The following GATA4 variants were observed in gnomAD, a reference collection of about 807,000 sequenced individuals.
The protein encoded by GATA4 is GATA binding protein 4, also known as transcription factor GATA-4.
Under a neutral mutation model 37.9 loss-of-function variants are expected in GATA4, and 7 were observed. The ratio of observed to expected loss-of-function variants is 0.18; its 90% CI spans 0.11 to 0.35. The LOEUF is 0.35. GATA4 is among the 10% of genes least tolerant of loss of function. The pLI, the probability that GATA4 is intolerant of heterozygous loss-of-function variation, is 1.00. For missense variants in GATA4, 647 were observed against 653.0 expected (o/e 0.99, Z 0.10); for synonymous variants, 372 against 292.6 (o/e 1.27, Z -2.77).
chr8:11,688,636 G>A (rs1585556432), upstream of GATA4, among the ~76,000 whole-genome samples: 1 of 152,224 alleles, frequency 6.6e-6, no homozygotes, highest in Non-Finnish European at 1.5e-5. Flanking sequence ...TGTGCATGGG[G>A]ACAGGAGGGA....
chr8:11,680,810 A>G (rs1798942210), intron 1 of GATA4: 6 of 984,852 alleles, frequency 6.1e-6, no homozygotes, highest in Non-Finnish European at 7.2e-6. Flanking sequence ...GCTCACCCCG[A>G]CGCCTCGGTC....
chr8:11,729,801 A>G (rs770132639), intron 2 of GATA4, among the ~76,000 whole-genome samples: 1 of 152,184 alleles, frequency 6.6e-6, no homozygotes, highest in African/African-American at 2.4e-5. Flanking sequence ...TGGTTGCTCA[A>G]TTCTGAGTGA....
rs1237971840 is a variant in GATA4, at chr8:11,758,836, G to C, written c.*361G>C. 3 of 348,704 alleles carry C rather than the reference G, an allele frequency of 8.6e-6. No homozygotes were observed. Among genetic ancestry groups the C allele is most frequent in the Non-Finnish European group, 1.7e-5 (3 of 179,816 alleles). The allele number at this position is 348,704 out of a possible 1,614,324, so 21.6% of individuals were successfully genotyped here. A position where few individuals can be genotyped will look rare whatever the true frequency, so the allele number is the denominator to read the frequency against. ...CACCGAGGATCTGAGAACAAGCGGA[G>C]GGCCGGGCCCTGGGACCCCTGCTCC... On this transcript the variant is annotated 3_prime_UTR_variant, in exon 7 of 7. Transcript: ENST00000532059.
At chr8:11,730,835 C>T (rs1035236129) in intron 2 of GATA4, among the ~76,000 whole-genome samples, 3 of 152,204 alleles carry the variant, frequency 2.0e-5, no homozygotes, top group Admixed American at 6.5e-5. Context: ...ACAGAAGGCC[C>T]GAGGCTGGCG....
intron 1 of GATA4, among the ~76,000 whole-genome samples, chr8:11,695,211 G>A (rs746505610): frequency 5.3e-5 from 8 of 152,248 alleles, no homozygotes; most frequent in Non-Finnish European, 8.8e-5. Context: ...TTCGAGACCA[G>A]CCTGACCAAC....
chr8:11,752,550 G>A (rs1802355745), intron 4 of GATA4, among the ~76,000 whole-genome samples: 1 of 152,206 alleles, frequency 6.6e-6, no homozygotes, highest in Non-Finnish European at 1.5e-5. Context: ...TCTCCCATCA[G>A]GTCGGTCCCA....
At chr8:11,750,024 GAGGCCCAGCTCCGCAGCCA>G in intron 3 of GATA4, 68 bp from the exon 4 acceptor site, 1 of 1,598,922 alleles carries the variant, frequency 6.3e-7, no homozygotes, top group South Asian at 1.1e-5. Context: ...TCCCGTTAGG[GAGGCCCAGCTCCGCAGCCA>G]CACGCGAGGT....
chr8:11,679,538 G>A (rs1585538343), intron 1 of GATA4, among the ~76,000 whole-genome samples: 1 of 152,244 alleles, frequency 6.6e-6, no homozygotes, highest in South Asian at 2.1e-4. Context: ...AAGGAACCCC[G>A]ACTGCTGGGG....
At chr8:11,694,556 T>C in intron 1 of GATA4, 2 of 977,338 alleles carry the variant, frequency 2.0e-6, no homozygotes, top group Non-Finnish European at 2.4e-6. Context: ...TCTCCCAGGG[T>C]GAGGGACAGA....
intron 2 of GATA4, among the ~76,000 whole-genome samples, chr8:11,715,183 G>T (rs1170228681): frequency 1.3e-5 from 2 of 151,958 alleles, no homozygotes; most frequent in African/African-American, 4.8e-5. Flanking sequence ...TTTACTGTTT[G>T]TGTTAAAAAA....
At chr8:11,757,137 G>A in intron 6 of GATA4, 54 bp downstream of exon 6, 1 of 1,607,382 alleles carries the variant, frequency 6.2e-7, no homozygotes, top group Non-Finnish European at 8.5e-7. Context: ...CGACTGCAGA[G>A]TCCCAGAGGC....
At chr8:11,683,145 A>T (rs781464303) in intron 1 of GATA4, 1 of 984,284 alleles carries the variant, frequency 1.0e-6, no homozygotes, top group Non-Finnish European at 1.2e-6. Context: ...TTGCTCCAGC[A>T]GAGATAATGG....
Position 11,749,443 on chromosome 8 carries a change from C to T in GATA4, c.786+358C>T, listed in dbSNP as rs73539818. On this transcript the variant is annotated intron_variant, in intron 3 of 6. Coordinates refer to ENST00000532059, the MANE Select transcript of GATA4 (RefSeq NM_001308093.3). This position sits in a 1 kb window ranked among gnomAD's most constrained non-coding sequence, Gnocchi z 4.6. Reference sequence around the variant, plus strand: ...AGTGTCTCCTCCACCCACACCAACCCTGCAAGGAAGGTCACCTCAGAGGCT... The same window carrying T: ...AGTGTCTCCTCCACCCACACCAACCTTGCAAGGAAGGTCACCTCAGAGGCT... 6.6e-6 allele frequency among the ~76,000 whole-genome samples: 1 copy of T among 152,136 alleles called. No homozygotes were observed. The highest frequency in any genetic ancestry group is 1.5e-5 in the Non-Finnish European group (1 of 68,018).
intron 1 of GATA4, among the ~76,000 whole-genome samples, chr8:11,693,558 C>G (rs144146972): frequency 0.059 from 4,765 of 81,014 alleles, 101 homozygotes; most frequent in Middle Eastern, 0.079. Context: ...CACACACACA[C>G]ACACAGAGAG....
chr8:11,680,480 T>C (rs888832955), intron 1 of GATA4: 3 of 985,470 alleles, frequency 3.0e-6, no homozygotes. Context: ...TTGCTTTGGA[T>C]GCATTTCGAT....
At chr8:11,751,657 A>T (rs531851101) in intron 4 of GATA4, among the ~76,000 whole-genome samples, 2 of 152,364 alleles carry the variant, frequency 1.3e-5, no homozygotes, top group East Asian at 3.9e-4. Context: ...TGGGCAAAAG[A>T]TATGGACTGA....
chr8:11,731,043 G>C (rs1322557851), intron 2 of GATA4, among the ~76,000 whole-genome samples: 3 of 152,196 alleles, frequency 2.0e-5, no homozygotes, highest in East Asian at 1.9e-4. Context: ...ATTCTCCTTT[G>C]GTCCTGACTT....
Position 11,708,287 on chromosome 8 carries a change from A to C in GATA4, c.-26A>C. 6.4e-7 allele frequency: 1 copy of C among 1,562,162 alleles called. No individual in the cohort carries two copies. Among genetic ancestry groups the C allele is most frequent in the Non-Finnish European group, 8.6e-7 (1 of 1,160,906 alleles). ...TTGACCTGCGAGGGAGAGAGAGGAC[A>C]CCGAAGCCGGGAGCTCGCAGGGACC... is the stretch of plus-strand genomic sequence containing the variant. On this transcript the variant is annotated 5_prime_UTR_variant, in exon 2 of 7. Coordinates refer to ENST00000532059, the MANE Select transcript of GATA4 (RefSeq NM_001308093.3). The surrounding 1 kb of genome is among the most constrained non-coding windows in gnomAD (Gnocchi z 6.7).
intron 5 of GATA4, among the ~76,000 whole-genome samples, chr8:11,755,938 A>C (rs57808980): frequency 0.028 from 4,167 of 151,058 alleles, 177 homozygotes; most frequent in African/African-American, 0.095. Context: ...TACATTTAAA[A>C]AGAACGAGGG....
Sources: gnomAD v4.1 joint callset for allele counts (sites outside exome capture counted in the v4.1 genomes callset) on GRCh38, gnomAD v4.1.1 for gene constraint, Gnocchi (gnomAD v3.1) non-coding constraint, MANE v1.5 for transcripts, NCBI Gene and HGNC (gene_info 2026-07-23, HGNC 2026-07-21) for gene names.